The following ARHGEF3 variants were observed in gnomAD, a reference collection of about 807,000 sequenced individuals.
ARHGEF3 encodes the protein 59.8 kDA protein.
Under a neutral mutation model 63.2 loss-of-function variants are expected in ARHGEF3, and 28 were observed. The observed-to-expected ratio is 0.44, with a 90% CI of 0.33 to 0.61. ARHGEF3 has a LOEUF of 0.61. Among genes scored for constraint, ARHGEF3 ranks in the 20% least tolerant of loss-of-function variants. ARHGEF3 has a pLI of 0.03. For missense variants in ARHGEF3, 533 were observed against 659.3 expected, an observed-to-expected ratio of 0.81 and a Z score of 2.10; for synonymous variants, 266 against 254.2, an observed-to-expected ratio of 1.05 and a Z score of -0.44.
intron 3 of ARHGEF3, among the ~76,000 whole-genome samples, chr3:56,936,309 T>C (rs1698901105): frequency 6.6e-6 from 1 of 152,168 alleles, no homozygotes; most frequent in African/African-American, 2.4e-5. Flanking sequence ...GGAATGAAAC[T>C]GACCCACAAA....
intron 2 of ARHGEF3, among the ~76,000 whole-genome samples, chr3:56,997,699 G>A (rs1702046961): frequency 6.6e-6 from 1 of 152,178 alleles, no homozygotes; most frequent in African/African-American, 2.4e-5. Flanking sequence ...CGAGTACAAT[G>A]AGAGGCCCCC....
At chr3:57,035,814 A>G (rs1703929995) in intron 1 of ARHGEF3, among the ~76,000 whole-genome samples, 1 of 152,226 alleles carries the variant, frequency 6.6e-6, no homozygotes, top group Admixed American at 6.5e-5. Context: ...AGATGATGAC[A>G]ATGCACTTGG....
chr3:56,823,986 GAAA>G (rs5849170), intron 4 of ARHGEF3, among the ~76,000 whole-genome samples: 10,476 of 126,310 alleles, frequency 0.083, 479 homozygotes, highest in East Asian at 0.18. Flanking sequence ...TTGAGGAAAG[GAAA>G]AAAAAAAAAA....
intron 7 of ARHGEF3, among the ~76,000 whole-genome samples, chr3:56,743,773 C>T (rs2034194888): frequency 6.6e-6 from 1 of 152,118 alleles, no homozygotes; most frequent in Non-Finnish European, 1.5e-5. Context: ...CAGATTAAAT[C>T]AGAAAATGAG....
At chr3:56,886,488 G>T (rs552923669) in intron 3 of ARHGEF3, among the ~76,000 whole-genome samples, 7 of 152,320 alleles carry the variant, frequency 4.6e-5, no homozygotes, top group Admixed American at 3.3e-4. Flanking sequence ...GAATATTGGG[G>T]TGTTGACCTC....
chr3:56,833,973 G>A (rs1426230327), intron 4 of ARHGEF3, among the ~76,000 whole-genome samples: 4 of 147,540 alleles, frequency 2.7e-5, no homozygotes, highest in Non-Finnish European at 5.9e-5. Context: ...GTGTGATCTC[G>A]GCTCACTGCA....
chr3:56,889,879 T>A (rs993192106), intron 3 of ARHGEF3, among the ~76,000 whole-genome samples: 4 of 152,072 alleles, frequency 2.6e-5, no homozygotes, highest in Non-Finnish European at 4.4e-5. Context: ...CTGGCCAACA[T>A]GGTGAAACCT....
chr3:56,827,767 A>AC (rs1377953287), intron 4 of ARHGEF3, among the ~76,000 whole-genome samples: 4 of 122,834 alleles, frequency 3.3e-5, no homozygotes. Flanking sequence ...AAAAAAAAAA[A>AC]AAAAAACAGA....
At chr3:56,745,099 C>T (rs1421385791) in intron 7 of ARHGEF3, 106 bp downstream of exon 7, 1 of 1,407,096 alleles carries the variant, frequency 7.1e-7, no homozygotes, top group Non-Finnish European at 9.6e-7. Flanking sequence ...CCCAAGATTC[C>T]TGAGTACTAA....
At chr3:56,765,037 A>G (rs1346427798) in intron 2 of ARHGEF3, among the ~76,000 whole-genome samples, 1 of 152,098 alleles carries the variant, frequency 6.6e-6, no homozygotes, top group African/African-American at 2.4e-5. Context: ...GATTACAGGC[A>G]TGAGCCACCG....
At chr3:56,902,300 T>A (rs1396448300) in intron 3 of ARHGEF3, among the ~76,000 whole-genome samples, 1 of 152,098 alleles carries the variant, frequency 6.6e-6, no homozygotes, top group Admixed American at 6.5e-5. Flanking sequence ...AAATATGAAA[T>A]CATAAGTAAT....
At chr3:56,960,747 C>T (rs530201049) in intron 2 of ARHGEF3, 2 of 152,172 alleles carry the variant, frequency 1.3e-5, no homozygotes, top group Admixed American at 6.5e-5. Context: ...CTAATAAGAT[C>T]GCAAGACAGA....
chr3:56,922,372 T>G (rs918235487), intron 3 of ARHGEF3, among the ~76,000 whole-genome samples: 1 of 150,716 alleles, frequency 6.6e-6, no homozygotes, highest in African/African-American at 2.4e-5. Flanking sequence ...AAAAAAAGTT[T>G]AAAAACTGAT....
chr3:56,878,165 C>T (rs554825998), intron 4 of ARHGEF3, among the ~76,000 whole-genome samples: 68 of 152,290 alleles, frequency 4.5e-4, no homozygotes, highest in Non-Finnish European at 8.7e-4. Context: ...AGCAGGAGCT[C>T]TGGCACCAAG....
intron 1 of ARHGEF3, among the ~76,000 whole-genome samples, chr3:57,052,000 C>G (rs938188024): frequency 5.3e-5 from 8 of 152,050 alleles, no homozygotes; most frequent in African/African-American, 1.9e-4. Flanking sequence ...GCCACTACCA[C>G]CACCATCTAC....
intron 2 of ARHGEF3, among the ~76,000 whole-genome samples, chr3:57,022,733 G>A (rs1204970784): frequency 6.6e-6 from 1 of 151,726 alleles, no homozygotes; most frequent in African/African-American, 2.4e-5. Context: ...AGCCTAGGAG[G>A]ACCCTGTTTT....
rs141720800 is a variant in ARHGEF3 at position 56,871,854 on chromosome 3, T to C, written c.192+10438A>G. 4.0e-4 allele frequency among the ~76,000 whole-genome samples: 61 copies of C among 152,334 alleles called. 3 individuals are homozygous for C. The East Asian group carries it at 0.012, about 29-fold the overall frequency. On this transcript the variant is annotated intron_variant, in intron 4 of 12. Coordinates refer to the ARHGEF3 transcript ENST00000338458. ...GATACATCTTTATTTTCACCAATGA[T>C]TGAAATTTAGTATTTCTTTCCAGTA...
chr3:56,733,535 T>G (rs1003190658), intron 8 of ARHGEF3, among the ~76,000 whole-genome samples: 4 of 152,010 alleles, frequency 2.6e-5, no homozygotes, highest in Non-Finnish European at 5.9e-5. Flanking sequence ...AAAATGAGAC[T>G]GGTATATCAA....
chr3:57,027,547 C>T (rs1219712402), intron 2 of ARHGEF3, among the ~76,000 whole-genome samples: 1 of 152,114 alleles, frequency 6.6e-6, no homozygotes, highest in South Asian at 2.1e-4. Context: ...AGAGCTTTCT[C>T]TGGGAGCGTC....
Sources: gnomAD v4.1 joint callset for allele counts (sites outside exome capture counted in the v4.1 genomes callset) on GRCh38, gnomAD v4.1.1 for gene constraint, MANE v1.5 for transcripts, NCBI Gene and HGNC (gene_info 2026-07-23, HGNC 2026-07-21) for gene names.